Variants in CNTNAP2 observed in about 807,000 individuals in gnomAD.
The protein encoded by CNTNAP2 is contactin associated protein 2.
A neutral mutation model predicts 155.2 loss-of-function variants in CNTNAP2; 98 were observed. The ratio of observed to expected loss-of-function variants is 0.63; its 90% CI spans 0.54 to 0.75. CNTNAP2 has a LOEUF of 0.75. CNTNAP2 is among the 30% of genes least tolerant of loss of function. The probability of loss-of-function intolerance (pLI) is 0.00; values close to 1 mark genes in which losing one functional copy is unlikely to be tolerated. For synonymous variants in CNTNAP2, 651 were observed against 631.2 expected (o/e 1.03, Z -0.47); for missense variants, 1,727 against 1,688.1 (o/e 1.02, Z -0.40).
intron 16 of CNTNAP2, among the ~76,000 whole-genome samples, chr7:148,137,221 C>T (rs1563211510): frequency 6.6e-6 from 1 of 152,158 alleles, no homozygotes; most frequent in Non-Finnish European, 1.5e-5. Context: ...ATATTCATTA[C>T]TAAGTAGACG....
intron 1 of CNTNAP2, among the ~76,000 whole-genome samples, chr7:146,691,179 C>A (rs2131932): frequency 0.61 from 92,156 of 151,748 alleles, 31,602 homozygotes; most frequent in South Asian, 0.85. Context: ...TAATCACCTT[C>A]TTTAGGAAAA....
At chr7:147,655,347 T>A (rs1795509962) in intron 13 of CNTNAP2, among the ~76,000 whole-genome samples, 1 of 152,082 alleles carries the variant, frequency 6.6e-6, no homozygotes, top group Admixed American at 6.5e-5. Flanking sequence ...GGTCTCGAAC[T>A]CCTGACCTCA....
At chr7:146,410,307 A>G (rs554345600) in intron 1 of CNTNAP2, among the ~76,000 whole-genome samples, 56 of 152,260 alleles carry the variant, frequency 3.7e-4, no homozygotes, top group African/African-American at 1.3e-3. Flanking sequence ...TTCATGCTAC[A>G]TGGGAAAAAC....
chr7:147,483,326 G>A (rs771942030), intron 10 of CNTNAP2, among the ~76,000 whole-genome samples: 1 of 152,082 alleles, frequency 6.6e-6, no homozygotes, highest in Non-Finnish European at 1.5e-5. Flanking sequence ...TTTATAACAG[G>A]GACTTGAAAA....
intron 15 of CNTNAP2, among the ~76,000 whole-genome samples, chr7:147,981,488 C>T (rs1053295971): frequency 1.3e-5 from 2 of 152,214 alleles, no homozygotes; most frequent in Admixed American, 6.5e-5. Flanking sequence ...AAGACTAAAC[C>T]TATTGTTGAA....
intron 2 of CNTNAP2, among the ~76,000 whole-genome samples, chr7:146,806,828 C>T (rs956186032): frequency 7.4e-4 from 113 of 152,254 alleles, no homozygotes; most frequent in Admixed American, 3.5e-3. Context: ...TTTAAAGGCC[C>T]AACTCCACCA....
intron 4 of CNTNAP2, among the ~76,000 whole-genome samples, chr7:147,105,369 C>G (rs888737999): frequency 6.6e-6 from 1 of 151,890 alleles, no homozygotes; most frequent in African/African-American, 2.4e-5. Context: ...CATTATTGTT[C>G]AGATTGCTTA....
At chr7:147,000,348 G>T (rs544695047) in intron 3 of CNTNAP2, among the ~76,000 whole-genome samples, 3 of 151,536 alleles carry the variant, frequency 2.0e-5, no homozygotes, top group African/African-American at 4.9e-5. Flanking sequence ...TTACTTTATC[G>T]TGAGGCATTT....
At chr7:148,048,500 G>A (rs372259074) in intron 15 of CNTNAP2, among the ~76,000 whole-genome samples, 36 of 152,284 alleles carry the variant, frequency 2.4e-4, no homozygotes, top group African/African-American at 8.7e-4. Context: ...TCCAATGGCA[G>A]GGAGGCTGGG....
chr7:147,692,535 A>G (rs1796102776), intron 13 of CNTNAP2, among the ~76,000 whole-genome samples: 2 of 152,056 alleles, frequency 1.3e-5, no homozygotes, highest in Non-Finnish European at 2.9e-5. Context: ...TCAGTGTTGC[A>G]GATTTTGGCC....
At chr7:146,493,314 A>G (rs554814298) in intron 1 of CNTNAP2, among the ~76,000 whole-genome samples, 19 of 152,334 alleles carry the variant, frequency 1.2e-4, no homozygotes, top group Admixed American at 2.0e-4. Flanking sequence ...AAAAAAATCT[A>G]GAAAATGAAA....
intron 21 of CNTNAP2, among the ~76,000 whole-genome samples, chr7:148,326,722 G>A (rs891570676): frequency 5.3e-5 from 8 of 151,960 alleles, no homozygotes; most frequent in South Asian, 2.1e-4. Context: ...AAAATTAGCC[G>A]GGCATGGTGG....
intron 9 of CNTNAP2, among the ~76,000 whole-genome samples, chr7:147,383,285 C>T (rs570830052): frequency 1.1e-4 from 17 of 152,042 alleles, no homozygotes; most frequent in East Asian, 3.9e-4. Flanking sequence ...AAATACAGAG[C>T]GGTCTATAAG....
At chr7:146,368,124 T>C (rs1172803705) in intron 1 of CNTNAP2, among the ~76,000 whole-genome samples, 5 of 152,172 alleles carry the variant, frequency 3.3e-5, no homozygotes, top group Admixed American at 2.0e-4. Context: ...TCAGCATACC[T>C]GATCCTCTGT....
chr7:146,253,326 T>C, intron 1 of CNTNAP2, among the ~76,000 whole-genome samples: 1 of 152,240 alleles, frequency 6.6e-6, no homozygotes, highest in East Asian at 1.9e-4. Flanking sequence ...ATGACTCTTC[T>C]AGACGCAGTC....
chr7:146,952,013 C>A (rs946724061), intron 3 of CNTNAP2, among the ~76,000 whole-genome samples: 3 of 151,854 alleles, frequency 2.0e-5, no homozygotes, highest in Non-Finnish European at 4.4e-5. Flanking sequence ...TGATGAACAT[C>A]GACACAAAAA....
intron 1 of CNTNAP2, among the ~76,000 whole-genome samples, chr7:146,495,166 T>G (rs562887863): frequency 6.6e-6 from 1 of 152,242 alleles, no homozygotes; most frequent in Non-Finnish European, 1.5e-5. Flanking sequence ...TCAGCTCCTC[T>G]GGGACCCTAG....
chr7:146,464,212 T>C (rs1280290260), intron 1 of CNTNAP2, among the ~76,000 whole-genome samples: 1 of 129,880 alleles, frequency 7.7e-6, no homozygotes, highest in Non-Finnish European at 1.7e-5. Context: ...TTTTTGGCTC[T>C]CTTTCTTTTC....
intron 4 of CNTNAP2, among the ~76,000 whole-genome samples, chr7:147,076,635 G>T (rs541475393): frequency 1.3e-5 from 2 of 152,190 alleles, no homozygotes; most frequent in East Asian, 3.9e-4. Context: ...TATTAGTGAT[G>T]AAAAGTATAT....
Sources: gnomAD v4.1 joint callset for allele counts (sites outside exome capture counted in the v4.1 genomes callset) on GRCh38, gnomAD v4.1.1 for gene constraint, MANE v1.5 for transcripts, NCBI Gene and HGNC (gene_info 2026-07-23, HGNC 2026-07-21) for gene names.